Variants in SLC22A12 observed in about 807,000 individuals in gnomAD.
SLC22A12 encodes the protein solute carrier family 22 member 12.
A neutral mutation model predicts 52.7 loss-of-function variants in SLC22A12; 56 were observed. The ratio of observed to expected loss-of-function variants is 1.06; its 90% confidence interval spans 0.86 to 1.33. The LOEUF (loss-of-function observed/expected upper bound fraction) is 1.33, where lower values mean the gene tolerates loss of function less well. SLC22A12 is among the 40% of genes most tolerant of loss of function. The pLI is 0.00. For synonymous variants in SLC22A12, 337 were observed against 324.6 expected, an observed-to-expected ratio of 1.04 and a Z score of -0.41; for missense variants, 683 against 741.5, an observed-to-expected ratio of 0.92 and a Z score of 0.92.
chr11:64,596,679 T>C (rs1441011659), intron 4 of SLC22A12, among the ~76,000 whole-genome samples: 2 of 152,162 alleles, frequency 1.3e-5, no homozygotes, highest in Non-Finnish European at 2.9e-5. Context: ...CAGCCACTCC[T>C]CAGAGCAGGA....
chr11:64,600,339 A>G lies in SLC22A12; in HGVS notation c.1286-28A>G, dbSNP rs202180495. 104 of 1,550,878 alleles carry G rather than the reference A, an allele frequency of 6.7e-5. No homozygotes were observed. The African/African-American group carries it at 9.9e-4, about 15-fold the overall frequency. Reference sequence around the variant, plus strand: ...TCATCTGATCTTGGGCCCCCCACCAAGCTCACTAATCCCATCTCTACCCAC... The same window carrying G: ...TCATCTGATCTTGGGCCCCCCACCAGGCTCACTAATCCCATCTCTACCCAC... On this transcript the variant is annotated intron_variant, in intron 7 of 9. Coordinates refer to ENST00000377574, the MANE Select transcript of SLC22A12 (RefSeq NM_144585.4).
Position 64,600,919 on chromosome 11 carries a change from A to T in SLC22A12, c.1579A>T (p.Ile527Phe). Residue 527 changes from isoleucine (I) to phenylalanine (F), a missense_variant, in exon 9 of 10, where the codon ATC becomes TTC. Physicochemically the swap from Ile to Phe is conservative, Grantham distance 21 (BLOSUM62 0). Transcript: ENST00000377574. ...CCAGAGCTTGCCGCTGCCCGACACC[A>T]TCCAAGATGTGCAGAACCAGTGAGT... ...ETQSLPLPDT[I>F]QDVQNQAVKK... 2 of 1,609,088 alleles carry T rather than the reference A, an allele frequency of 1.2e-6. No homozygotes were observed. The highest frequency in any genetic ancestry group is 1.7e-6 in the Non-Finnish European group (2 of 1,179,956).
chr11:64,594,229 G>A (rs2039014192), intron 4 of SLC22A12, among the ~76,000 whole-genome samples: 1 of 152,210 alleles, frequency 6.6e-6, no homozygotes, highest in African/African-American at 2.4e-5. Context: ...CGCACACACA[G>A]CGCACAGCCG....
chr11:64,601,333 A>G (rs2039447540), intron 9 of SLC22A12, among the ~76,000 whole-genome samples, 155 bp from the exon 10 acceptor site: 1 of 151,912 alleles, frequency 6.6e-6, no homozygotes, highest in Non-Finnish European at 1.5e-5. Flanking sequence ...CAGTCACTTC[A>G]CACACACCCC....
chr11:64,596,264 ATGGATGG>A (rs1565137752), intron 4 of SLC22A12, among the ~76,000 whole-genome samples: 1 of 4,194 alleles, frequency 2.4e-4, no homozygotes. Context: ...GGATGGATGG[ATGGATGG>A]ATGGATGGAT....
chr11:64,597,752 G>C (rs1048206725), intron 4 of SLC22A12, among the ~76,000 whole-genome samples: 18 of 152,102 alleles, frequency 1.2e-4, no homozygotes, highest in Admixed American at 1.2e-3. Context: ...TAGAGTGGTG[G>C]GCATGGCAGG....
intron 1 of SLC22A12, 141 bp downstream of exon 1, chr11:64,592,099 G>A (rs947978294): frequency 2.1e-5 from 28 of 1,360,456 alleles, no homozygotes; most frequent in African/African-American, 7.2e-5. Flanking sequence ...TCAGCCCCTC[G>A]TCAGCCACAC....
chr11:64,599,791 G>T lies in SLC22A12; in HGVS notation c.1186G>T (p.Ala396Ser), dbSNP rs1490270164. ...GVVDIPAKMG[A>S]LLLLSHLGRR... is the part of the protein sequence containing the mutation. ...CGTGGACATCCCAGCCAAGATGGGC[G>T]CCCTGCTGCTGCTGAGCCACCTGGG... Residue 396 changes from alanine to serine, a missense_variant, in exon 7 of 10, where the codon GCC (alanine) becomes TCC (serine). Ala to Ser is a moderately conservative substitution (Grantham distance 99). Transcript: ENST00000377574. 1 of 1,612,708 alleles carries T rather than the reference G, an allele frequency of 6.2e-7. No homozygotes were observed. Among genetic ancestry groups the T allele is most frequent in the African/African-American group, 1.3e-5 (1 of 74,764 alleles).
chr11:64,599,064 C>T (rs2039351740), intron 6 of SLC22A12, 141 bp downstream of exon 6: 1 of 1,288,428 alleles, frequency 7.8e-7, no homozygotes, highest in Admixed American at 2.0e-5. Context: ...TCAGTCACTC[C>T]CGACAGGAGA....
At chr11:64,601,389 AG>A in intron 9 of SLC22A12, 98 bp from the exon 10 acceptor site, 4 of 1,236,496 alleles carry the variant, frequency 3.2e-6, no homozygotes, top group Non-Finnish European at 4.7e-6. Flanking sequence ...CCCCGAGAGC[AG>A]GGTGGTGGCA....
rs879135630 is a variant in SLC22A12 at position 64,591,440 on chromosome 11, C to T, written c.-117C>T. On this transcript the variant is annotated 5_prime_UTR_variant, in exon 1 of 10. Coordinates refer to ENST00000377574, the MANE Select transcript of SLC22A12 (RefSeq NM_144585.4). ...GAGTCTGTGAAGCCTAGCCGCTGGG[C>T]TGGAGAAGCCACTGTGGGCACCACC... The T allele has an allele frequency of 1.3e-4, 177 of 1,390,770 alleles. 3 individuals carry two copies. The South Asian group carries it at 2.1e-3, about 17-fold the overall frequency. The allele number at this position is 1,390,770 out of a possible 1,614,324, so 86.2% of individuals were successfully genotyped here. A position where few individuals can be genotyped will look rare whatever the true frequency, so the allele number is the denominator to read the frequency against.
In SLC22A12 at chr11:64,591,310, A is replaced by C; in HGVS notation, c.-247A>C. ...CTGGAGCAGCTGCCTCTCTGGGGAG[A>C]TGCTGGAGGTCTCGGAATCACCTCA... On this transcript the variant is annotated 5_prime_UTR_variant, in exon 1 of 10. The change abolishes an upstream ATG in the 5' untranslated region. Coordinates refer to ENST00000377574, the MANE Select transcript of SLC22A12 (RefSeq NM_144585.4). 1 of 564,100 alleles carries C rather than the reference A, an allele frequency of 1.8e-6. No individual in the cohort carries two copies. Among genetic ancestry groups the C allele is most frequent in the South Asian group, 2.3e-5 (1 of 43,558 alleles). The allele number at this position is 564,100 out of a possible 1,614,324, so 34.9% of individuals were successfully genotyped here. A position where few individuals can be genotyped will look rare whatever the true frequency, so the allele number is the denominator to read the frequency against.
At position 64,599,771 on chromosome 11, in the gene SLC22A12, A is replaced by T; in HGVS notation, c.1166A>T (p.Asp389Val). Residue 389 changes from aspartate (D) to valine (V), a missense_variant, in exon 7 of 10, where the codon GAC becomes GTC. Transcript: ENST00000377574. ...CTCCAAATGTTCATTGGTGTCGTGGACATCCCAGCCAAGATGGGCGCCCTG... is the reference window on the plus strand; with the variant it reads ...CTCCAAATGTTCATTGGTGTCGTGGTCATCCCAGCCAAGATGGGCGCCCTG... ...FLLQMFIGVV[D>V]IPAKMGALLL... 1 of 1,612,730 alleles carries T rather than the reference A, an allele frequency of 6.2e-7. No homozygotes were observed. Among genetic ancestry groups the T allele is most frequent in the Non-Finnish European group, 8.5e-7 (1 of 1,179,834 alleles).
Position 64,601,604 on chromosome 11 carries a change from T to G in SLC22A12, c.*53T>G. Reference sequence around the variant, plus strand: ...TCAGAGGAAGAGACTTCTTCTGTTCTCTGGAGAAGGCAGGAGGAAAGCAAA... The same window carrying G: ...TCAGAGGAAGAGACTTCTTCTGTTCGCTGGAGAAGGCAGGAGGAAAGCAAA... On this transcript the variant is annotated 3_prime_UTR_variant, in exon 10 of 10. Coordinates refer to ENST00000377574, the MANE Select transcript of SLC22A12 (RefSeq NM_144585.4). The G allele has an allele frequency of 6.3e-7, 1 of 1,589,570 alleles. No homozygotes were observed. The highest frequency in any genetic ancestry group is 8.6e-7 in the Non-Finnish European group (1 of 1,159,612).
intron 4 of SLC22A12, among the ~76,000 whole-genome samples, chr11:64,595,783 A>AATGG (rs2039162174): frequency 8.4e-6 from 1 of 119,340 alleles, no homozygotes; most frequent in Non-Finnish European, 1.7e-5. Context: ...GGAATGGATG[A>AATGG]ATGGATGGAT....
At chr11:64,595,674 A>G (rs111169822) in intron 4 of SLC22A12, among the ~76,000 whole-genome samples, 197 of 120,394 alleles carry the variant, frequency 1.6e-3, no homozygotes, top group African/African-American at 5.7e-3. Context: ...TGGTTGTAAT[A>G]GATGGATGGA....
chr11:64,601,724 C>A lies in SLC22A12; in HGVS notation c.*173C>A. On this transcript the variant is annotated 3_prime_UTR_variant, in exon 10 of 10. Coordinates refer to ENST00000377574, the MANE Select transcript of SLC22A12 (RefSeq NM_144585.4). The stretch of plus-strand genomic sequence containing the variant: ...GGTGAGCCCTGCCCCTCTCACAGTC[C>A]AAGGGGCCCCCTTCAATACTGAAGG... 1 of 688,420 alleles carries A rather than the reference C, an allele frequency of 1.5e-6. No homozygotes were observed. Among genetic ancestry groups the A allele is most frequent in the Non-Finnish European group, 2.5e-6 (1 of 392,740 alleles). 42.6% of individuals were successfully genotyped at this position (688,420 alleles called of 1,614,324 possible). A position where few individuals can be genotyped will look rare whatever the true frequency, so the allele number is the denominator to read the frequency against.
In SLC22A12 at chr11:64,600,394, C is replaced by G. The variant is rs941788195; in HGVS notation, c.1313C>G (p.Ala438Gly). 6.2e-7 allele frequency: 1 copy of G among 1,606,786 alleles called. No individual in the cohort carries two copies. Among genetic ancestry groups the G allele is most frequent in the African/African-American group, 1.3e-5 (1 of 74,900 alleles). The change falls in exon 8 of 10, where the codon GCC (alanine) becomes GGC (glycine). Residue 438 changes from alanine to glycine, a missense_variant. Ala to Gly is a moderately conservative substitution (Grantham distance 60, BLOSUM62 0). Coordinates refer to ENST00000377574, the MANE Select transcript of SLC22A12 (RefSeq NM_144585.4). Reference protein sequence around the residue: ...HEMGALRSALAVLGLGGVGAA... With the variant: ...HEMGALRSALGVLGLGGVGAA... ...ATGGGGGCTCTGCGCTCAGCCTTGGCCGTGCTGGGGCTGGGCGGGGTGGGG... is the reference window on the plus strand; with the variant it reads ...ATGGGGGCTCTGCGCTCAGCCTTGGGCGTGCTGGGGCTGGGCGGGGTGGGG...
intron 2 of SLC22A12, 112 bp downstream of exon 2, chr11:64,592,994 C>A: frequency 2.0e-6 from 2 of 992,152 alleles, no homozygotes; most frequent in Non-Finnish European, 3.1e-6. Flanking sequence ...TAGAAAGCGC[C>A]CTACTTGCTG....
Sources: gnomAD v4.1 joint callset for allele counts (sites outside exome capture counted in the v4.1 genomes callset) on GRCh38, gnomAD v4.1.1 for gene constraint, MANE v1.5 for transcripts, NCBI Gene and HGNC (gene_info 2026-07-23, HGNC 2026-07-21) for gene names.